The following PPARGC1A variants were observed in gnomAD, a reference collection of about 807,000 sequenced individuals.
PPARGC1A encodes the protein PPARG coactivator 1 alpha, also known as peroxisome proliferator-activated receptor gamma coactivator 1-alpha.
A neutral mutation model predicts 88.7 loss-of-function variants in PPARGC1A; 25 were observed. That is an observed-to-expected ratio of 0.28 (90% CI 0.21 to 0.39). The LOEUF (loss-of-function observed/expected upper bound fraction) is 0.39, where lower values mean the gene tolerates loss of function less well. PPARGC1A is among the 10% of genes least tolerant of loss of function. The pLI is 1.00. For missense variants in PPARGC1A, 880 were observed against 968.7 expected, an observed-to-expected ratio of 0.91 and a Z score of 1.22; for synonymous variants, 363 against 355.6, an observed-to-expected ratio of 1.02 and a Z score of -0.24.
Position 23,817,157 on chromosome 4 carries a change from T to C in PPARGC1A, c.878-2552A>G, listed in dbSNP as rs192350978. Among the ~76,000 whole-genome samples, 22 of 152,278 alleles carry C rather than the reference T, an allele frequency of 1.4e-4. 1 individual carries two copies. The highest frequency in any genetic ancestry group is 1.3e-3 in the Admixed American group (20 of 15,294). On this transcript the variant is annotated intron_variant, in intron 7 of 12. Transcript: ENST00000264867. ...TCAGGAACGCCAAATTAGGCCACTATTAAAGAGCGACTGGTTCTAAAAATA... is the reference window on the plus strand; with the variant it reads ...TCAGGAACGCCAAATTAGGCCACTACTAAAGAGCGACTGGTTCTAAAAATA...
At chr4:24,448,325 T>G in the PPARGC1A span, among the ~76,000 whole-genome samples, 2 of 152,188 alleles carry the variant, frequency 1.3e-5, no homozygotes, top group Non-Finnish European at 2.9e-5. Context: ...CACACTCTTC[T>G]TTGTTTAGGT....
At chr4:23,976,990 G>A in the PPARGC1A span, among the ~76,000 whole-genome samples, 1 of 151,878 alleles carries the variant, frequency 6.6e-6, no homozygotes, top group African/African-American at 2.4e-5. Context: ...GGAGGAGGAA[G>A]AGGGAGAGGA....
chr4:24,016,250 T>C, the PPARGC1A span, among the ~76,000 whole-genome samples: 2 of 152,094 alleles, frequency 1.3e-5, no homozygotes, highest in African/African-American at 4.8e-5. Context: ...AAAAGGAAAA[T>C]TGAACATTTA....
the PPARGC1A span, among the ~76,000 whole-genome samples, chr4:24,011,974 T>C: frequency 6.6e-6 from 1 of 152,168 alleles, no homozygotes; most frequent in Non-Finnish European, 1.5e-5. Flanking sequence ...GTACCTAAAA[T>C]GCAACCCAGC....
the PPARGC1A span, among the ~76,000 whole-genome samples, chr4:24,243,478 C>T: frequency 2.6e-5 from 4 of 152,118 alleles, no homozygotes; most frequent in African/African-American, 7.2e-5. Flanking sequence ...TTCCTACCCT[C>T]GCGTGCTGTG....
At chr4:23,892,298 T>C (rs1374212540), upstream of PPARGC1A, among the ~76,000 whole-genome samples, 2 of 152,148 alleles carry the variant, frequency 1.3e-5, no homozygotes, top group African/African-American at 4.8e-5. Context: ...ACTCTCACTA[T>C]CACAAAGAGG....
At chr4:24,346,241 C>CT in the PPARGC1A span, among the ~76,000 whole-genome samples, 3 of 152,004 alleles carry the variant, frequency 2.0e-5, no homozygotes, top group African/African-American at 7.2e-5. Context: ...TTGTAGTTTT[C>CT]TTTTTTGGTT....
At chr4:24,005,262 A>G in the PPARGC1A span, among the ~76,000 whole-genome samples, 2 of 152,186 alleles carry the variant, frequency 1.3e-5, no homozygotes, top group Admixed American at 1.3e-4. Flanking sequence ...TGAAAGAAAA[A>G]AAAAGATATG....
chr4:24,107,966 C>T, the PPARGC1A span, among the ~76,000 whole-genome samples: 1 of 152,024 alleles, frequency 6.6e-6, no homozygotes, highest in Non-Finnish European at 1.5e-5. Context: ...GGAAAAAATT[C>T]AATAGAAGAC....
chr4:24,031,054 G>A, the PPARGC1A span, among the ~76,000 whole-genome samples: 3 of 152,034 alleles, frequency 2.0e-5, no homozygotes, highest in Non-Finnish European at 4.4e-5. Flanking sequence ...TTGCCTGGGA[G>A]ACGAAAAAGG....
At chr4:24,038,069 G>A in the PPARGC1A span, among the ~76,000 whole-genome samples, 1 of 152,190 alleles carries the variant, frequency 6.6e-6, no homozygotes, top group Admixed American at 6.5e-5. Flanking sequence ...AGCAAGCACA[G>A]AATAGAATGG....
chr4:24,347,610 C>T, the PPARGC1A span, among the ~76,000 whole-genome samples: 3 of 152,086 alleles, frequency 2.0e-5, no homozygotes, highest in African/African-American at 4.8e-5. Flanking sequence ...GTATGAAATG[C>T]CTTTTTCCAC....
chr4:24,390,343 C>G, the PPARGC1A span, among the ~76,000 whole-genome samples: 2 of 151,818 alleles, frequency 1.3e-5, no homozygotes, highest in South Asian at 2.1e-4. Context: ...ATCCTGGCCC[C>G]TTTTATGCAT....
chr4:23,824,501 T>C lies in PPARGC1A; in HGVS notation c.765A>G (p.Pro255=). 6.2e-7 allele frequency: 1 copy of C among 1,603,348 alleles called. No homozygotes were observed. The highest frequency in any genetic ancestry group is 8.5e-7 in the Non-Finnish European group (1 of 1,173,496). Residue 255 remains proline, a synonymous_variant, in exon 6 of 13, where the codon CCA becomes CCG. Transcript: ENST00000264867. The part of the protein sequence containing the change: ...QSQSQHLQAK[P]TTLSLPLTPE... ...GGGTCAGAGGAAGAGATAAAGTTGT[T>C]GGTTTGGCTAAAGAAAAAAAAAAGA... is the stretch of plus-strand genomic sequence containing the variant.
At chr4:23,971,979 A>G in the PPARGC1A span, among the ~76,000 whole-genome samples, 4 of 152,148 alleles carry the variant, frequency 2.6e-5, no homozygotes, top group African/African-American at 4.8e-5. Flanking sequence ...AATCAAATAC[A>G]TAATACATAA....
the PPARGC1A span, among the ~76,000 whole-genome samples, chr4:23,980,297 T>C: frequency 6.6e-6 from 1 of 152,004 alleles, no homozygotes; most frequent in African/African-American, 2.4e-5. Context: ...AGTAGCTCCC[T>C]TTCTTTATCA....
chr4:24,121,107 T>C, the PPARGC1A span, among the ~76,000 whole-genome samples: 2 of 152,198 alleles, frequency 1.3e-5, no homozygotes, highest in Admixed American at 6.5e-5. Context: ...GGCAAGGTTA[T>C]TGTGAGGATT....
At chr4:24,394,482 T>C in the PPARGC1A span, among the ~76,000 whole-genome samples, 11 of 152,292 alleles carry the variant, frequency 7.2e-5, no homozygotes, top group South Asian at 2.1e-3. Context: ...TAGACAGATC[T>C]TTAAGAAGAA....
chr4:24,344,695 C>T, the PPARGC1A span, among the ~76,000 whole-genome samples: 79,683 of 151,750 alleles, frequency 0.53, 21,953 homozygotes, highest in Admixed American at 0.67. Flanking sequence ...TTCTCCTACT[C>T]TGTGAGTTGT....
Sources: allele counts gnomAD v4.1 joint callset (sites outside exome capture counted in the v4.1 genomes callset), GRCh38; gene constraint gnomAD v4.1.1; transcripts MANE v1.5; gene names NCBI Gene and HGNC (gene_info 2026-07-23, HGNC 2026-07-21).